The following BEND6 variants were observed in gnomAD, a reference collection of about 807,000 sequenced individuals.
BEND6 encodes the protein BEN domain containing 6.
A neutral mutation model predicts 31.8 loss-of-function variants in BEND6; 24 were observed. The observed-to-expected ratio is 0.75, with a 90% CI of 0.55 to 1.06. The LOEUF is 1.06. Ranked by LOEUF, BEND6 falls within the 50% of genes least tolerant of loss-of-function variation. The pLI is 0.00. For missense variants in BEND6, 294 were observed against 327.4 expected (o/e 0.90, Z 0.79); for synonymous variants, 109 against 114.6 (o/e 0.95, Z 0.31).
chr6:57,022,827 G>C (rs1034246898), intron 6 of BEND6, among the ~76,000 whole-genome samples: 2 of 152,022 alleles, frequency 1.3e-5, no homozygotes, highest in African/African-American at 4.8e-5. Flanking sequence ...TGGGAATGTT[G>C]TATCTCCATT....
Position 56,992,668 on chromosome 6 carries a change from C to CA in BEND6, c.298+119dup, listed in dbSNP as rs1414061385. The stretch of plus-strand genomic sequence containing the variant: ...AAGAAAATCCACACCTCTGGGAGCT[C>CA]AAAAAATCACAGTTTTAGAAAAAAT... On this transcript the variant is annotated intron_variant, in intron 3 of 6. Transcript: ENST00000370746. 1.4e-5 allele frequency: 16 copies of CA among 1,119,010 alleles called. 1 individual carries two copies. Among genetic ancestry groups the CA allele is most frequent in the South Asian group, 9.9e-5 (5 of 50,388 alleles). 69.3% of individuals were successfully genotyped at this position (1,119,010 alleles called of 1,614,324 possible).
At chr6:56,991,769 A>G (rs527963629) in intron 2 of BEND6, among the ~76,000 whole-genome samples, 4 of 152,170 alleles carry the variant, frequency 2.6e-5, no homozygotes, top group Non-Finnish European at 4.4e-5. Context: ...ACACACCCAT[A>G]TAAAAAATAA....
chr6:56,972,457 A>G (rs528811493), intron 1 of BEND6, among the ~76,000 whole-genome samples: 1 of 152,320 alleles, frequency 6.6e-6, no homozygotes, highest in South Asian at 2.1e-4. Flanking sequence ...GCAAGCCTAA[A>G]TTAATTTTAG....
chr6:56,993,858 C>T lies in BEND6; in HGVS notation c.298+1303C>T, dbSNP rs182954727. ...GACTTTTGGCATGCACCACCACACCCGACTAATTTTTTAAATTTTTCATAG... is the reference window on the plus strand; with the variant it reads ...GACTTTTGGCATGCACCACCACACCTGACTAATTTTTTAAATTTTTCATAG... On this transcript the variant is annotated intron_variant, in intron 3 of 6. Coordinates refer to ENST00000370746, the MANE Select transcript of BEND6 (RefSeq NM_152731.3). Among the ~76,000 whole-genome samples, 18 of 152,126 alleles carry T rather than the reference C, an allele frequency of 1.2e-4. No individual in the cohort carries two copies. In the East Asian group the frequency reaches 2.7e-3, roughly 23 times the overall value.
chr6:56,993,445 A>G (rs893504234), intron 3 of BEND6, among the ~76,000 whole-genome samples: 2 of 152,252 alleles, frequency 1.3e-5, no homozygotes, highest in South Asian at 4.1e-4. Flanking sequence ...CCAGTCTCAC[A>G]TGGTAGCAAC....
chr6:56,985,370 T>C (rs1826220413), intron 2 of BEND6, among the ~76,000 whole-genome samples: 1 of 152,072 alleles, frequency 6.6e-6, no homozygotes, highest in Admixed American at 6.5e-5. Context: ...AGTTTAGGGG[T>C]GCTATGGCAG....
intron 1 of BEND6, among the ~76,000 whole-genome samples, chr6:56,961,902 CGTT>C (rs1318011655): frequency 4.6e-5 from 7 of 152,278 alleles, no homozygotes; most frequent in South Asian, 2.1e-4. Context: ...TTCACCTACT[CGTT>C]GTTTCTAGCG....
chr6:57,008,131 C>G, intron 3 of BEND6: 1 of 702,118 alleles, frequency 1.4e-6, no homozygotes. Context: ...CCTTCAAGGC[C>G]TGTCTACTGT....
intron 1 of BEND6, among the ~76,000 whole-genome samples, chr6:56,978,588 GAACCAAT>G (rs1313182782): frequency 6.6e-6 from 1 of 151,962 alleles, no homozygotes; most frequent in African/African-American, 2.4e-5. Context: ...ATTTATTATT[GAACCAAT>G]AATGTCAACA....
At chr6:56,995,698 AG>A (rs1436537057) in intron 3 of BEND6, among the ~76,000 whole-genome samples, 1 of 152,132 alleles carries the variant, frequency 6.6e-6, no homozygotes, top group Admixed American at 6.5e-5. Context: ...CCTTTTTATA[AG>A]AACACCAGTC....
intron 2 of BEND6, among the ~76,000 whole-genome samples, chr6:56,985,255 G>A (rs1180556217): frequency 6.6e-6 from 1 of 152,092 alleles, no homozygotes; most frequent in African/African-American, 2.4e-5. Context: ...CTCAATTTTG[G>A]ACTAGTTATG....
At chr6:57,006,323 C>T (rs990170396) in intron 3 of BEND6, among the ~76,000 whole-genome samples, 1 of 152,216 alleles carries the variant, frequency 6.6e-6, no homozygotes, top group Non-Finnish European at 1.5e-5. Flanking sequence ...ACACAAGACC[C>T]TGCTCTTAGA....
chr6:57,014,848 T>A (rs1015895075), intron 3 of BEND6, among the ~76,000 whole-genome samples: 1 of 152,148 alleles, frequency 6.6e-6, no homozygotes, highest in African/African-American at 2.4e-5. Context: ...AAAAAAAGAA[T>A]CAACTTTTAA....
intron 3 of BEND6, among the ~76,000 whole-genome samples, chr6:56,994,654 A>C (rs1826637622): frequency 6.6e-6 from 1 of 152,070 alleles, no homozygotes; most frequent in South Asian, 2.1e-4. Context: ...TGAGCTAATT[A>C]GTAGAAATGC....
chr6:56,960,179 G>C (rs1825238762), intron 1 of BEND6, among the ~76,000 whole-genome samples: 1 of 152,172 alleles, frequency 6.6e-6, no homozygotes, highest in Non-Finnish European at 1.5e-5. Flanking sequence ...TTTACTCATA[G>C]TTGTATGAAC....
At chr6:56,995,294 A>G (rs1826666367) in intron 3 of BEND6, among the ~76,000 whole-genome samples, 2 of 151,086 alleles carry the variant, frequency 1.3e-5, no homozygotes, top group African/African-American at 4.9e-5. Flanking sequence ...CCTTCCTCTT[A>G]TGGAAAAACT....
intron 4 of BEND6, among the ~76,000 whole-genome samples, chr6:57,016,687 A>G (rs960875859): frequency 1.3e-5 from 2 of 152,102 alleles, no homozygotes; most frequent in African/African-American, 4.8e-5. Flanking sequence ...CTTTTTCCTG[A>G]TCTGCCCTTC....
intron 3 of BEND6, 135 bp from the exon 4 acceptor site, chr6:57,014,998 T>G: frequency 1.6e-6 from 1 of 626,178 alleles, no homozygotes; most frequent in Non-Finnish European, 2.7e-6. Flanking sequence ...TTTCCTGCCA[T>G]GTTTATTTTC....
Position 57,027,090 on chromosome 6 carries a change from C to T in BEND6, c.*1018C>T, listed in dbSNP as rs531470965. On this transcript the variant is annotated 3_prime_UTR_variant, in exon 7 of 7. Transcript: ENST00000370746. Reference sequence around the variant, plus strand: ...AAACATTCTTCATCAAAAGGCTTCTCGCTTGGTGTCAGGTTGTCACATGTG... The same window carrying T: ...AAACATTCTTCATCAAAAGGCTTCTTGCTTGGTGTCAGGTTGTCACATGTG... 6 of 152,302 alleles carry T rather than the reference C, an allele frequency of 3.9e-5. No homozygotes were observed. The highest frequency in any genetic ancestry group is 3.4e-3 in the Middle Eastern group (1 of 294). The allele number at this position is 152,302 out of a possible 1,614,324, so 9.4% of individuals were successfully genotyped here.
Sources: gnomAD v4.1 joint callset for allele counts (sites outside exome capture counted in the v4.1 genomes callset) on GRCh38, gnomAD v4.1.1 for gene constraint, MANE v1.5 for transcripts, NCBI Gene and HGNC (gene_info 2026-07-23, HGNC 2026-07-21) for gene names.